TSPEAR: variants seen among roughly 807,000 people sequenced by gnomAD.
TSPEAR encodes the protein thrombospondin-type laminin G domain and EAR repeat-containing protein.
Under a neutral mutation model 71.6 loss-of-function variants are expected in TSPEAR, and 69 were observed. The ratio of observed to expected loss-of-function variants is 0.96; its 90% CI spans 0.79 to 1.18. The LOEUF (loss-of-function observed/expected upper bound fraction) is 1.18. TSPEAR is among the 50% of genes most tolerant of loss of function. TSPEAR has a pLI of 0.00. For missense variants in TSPEAR, 971 were observed against 894.9 expected (o/e 1.09, Z -1.09); for synonymous variants, 402 against 387.2 (o/e 1.04, Z -0.45).
chr21:44,577,596 C>T (rs1978546420), intron 1 of TSPEAR, among the ~76,000 whole-genome samples: 1 of 152,194 alleles, frequency 6.6e-6, no homozygotes, highest in Non-Finnish European at 1.5e-5. Context: ...CACCAAGCCA[C>T]TCATGAGGGA....
intron 2 of TSPEAR, among the ~76,000 whole-genome samples, chr21:44,567,139 A>C (rs782531578): frequency 1.2e-4 from 18 of 152,366 alleles, no homozygotes; most frequent in East Asian, 5.8e-4. Context: ...AAATACATAA[A>C]GAATTCTTTA....
At chr21:44,629,538 G>A (rs587607333) in intron 1 of TSPEAR, among the ~76,000 whole-genome samples, 7 of 152,282 alleles carry the variant, frequency 4.6e-5, no homozygotes, top group East Asian at 1.9e-4. Flanking sequence ...ATGTGAATTC[G>A]GGGGCATCAC....
rs371326823 is a variant in TSPEAR, at chr21:44,591,568, A to G, written c.83-23563T>C. The G allele has an allele frequency of 1.1e-5, 18 of 1,612,592 alleles. No individual in the cohort carries two copies. In the African/African-American group the frequency reaches 2.0e-4, roughly 18 times the overall value. ...GGACTTGCACACAGGGTGGCAGAGG[A>G]GGGACACGGAGGAGGAGGATCTGCA... On this transcript the variant is annotated intron_variant, in intron 1 of 11. Transcript: ENST00000323084.
chr21:44,607,815 G>GAC (rs1182874680), intron 1 of TSPEAR, among the ~76,000 whole-genome samples: 2 of 152,132 alleles, frequency 1.3e-5, no homozygotes, highest in Non-Finnish European at 2.9e-5. Flanking sequence ...TCATAAACAT[G>GAC]ACACACACAC....
chr21:44,642,564 C>T lies in TSPEAR; in HGVS notation c.82+68869G>A, dbSNP rs28491945. Among the ~76,000 whole-genome samples the T allele has an allele frequency of 1.1e-4, 16 of 152,108 alleles. No individual in the cohort carries two copies. Among genetic ancestry groups the T allele is most frequent in the African/African-American group, 1.4e-4 (6 of 41,398 alleles). On this transcript the variant is annotated intron_variant, in intron 1 of 11. Transcript: ENST00000323084. This position sits in a 1 kb window ranked among gnomAD's most constrained non-coding sequence, Gnocchi z 4.1. The stretch of plus-strand genomic sequence containing the variant: ...GTTCCTCAAAAAATTAAAAATGGGG[C>T]CGGGCGCAGTGGCTCATGCCTGTAA...
chr21:44,624,796 G>C (rs1370821512), intron 1 of TSPEAR, among the ~76,000 whole-genome samples: 1 of 152,198 alleles, frequency 6.6e-6, no homozygotes, highest in Non-Finnish European at 1.5e-5. Flanking sequence ...CATGGCTGTA[G>C]TCTGTGAATC....
intron 2 of TSPEAR, among the ~76,000 whole-genome samples, chr21:44,556,393 CA>C (rs1233736947): frequency 8.0e-5 from 12 of 149,998 alleles, no homozygotes; most frequent in Admixed American, 5.3e-4. Flanking sequence ...ATAACAACAA[CA>C]AAAAAAAAAA....
chr21:44,676,738 A>G (rs1986329768), intron 1 of TSPEAR: 1 of 789,922 alleles, frequency 1.3e-6, no homozygotes, highest in Non-Finnish European at 2.3e-6. Context: ...GACTTCCTCT[A>G]CGTTTCTGTC....
intron 1 of TSPEAR, among the ~76,000 whole-genome samples, chr21:44,667,970 T>G (rs972173498): frequency 6.6e-6 from 1 of 152,202 alleles, no homozygotes; most frequent in African/African-American, 2.4e-5. Flanking sequence ...TACCCACTGG[T>G]GAAAAACTGA....
At chr21:44,605,396 T>A (rs1981242085) in intron 1 of TSPEAR, among the ~76,000 whole-genome samples, 1 of 152,206 alleles carries the variant, frequency 6.6e-6, no homozygotes, top group East Asian at 1.9e-4. Flanking sequence ...ATCTACAGAT[T>A]CAATGCAATC....
rs1421388375 is a variant in TSPEAR at position 44,521,787 on chromosome 21, C to A, written c.1566+96G>T. The A allele has an allele frequency of 8.2e-6, 10 of 1,220,258 alleles. No individual in the cohort carries two copies. The African/African-American group carries it at 1.5e-4, about 18-fold the overall frequency. The allele number at this position is 1,220,258 out of a possible 1,614,324, so 75.6% of individuals were successfully genotyped here. On this transcript the variant is annotated intron_variant, in intron 9 of 11. Transcript: ENST00000323084. ...GCAGAGCAGCACTAGGTTTGGCTCT[C>A]GGTGGACCCCCAGCCCACATCACCT... is the stretch of plus-strand genomic sequence containing the variant.
At chr21:44,596,085 T>C (rs1403012540) in intron 1 of TSPEAR, among the ~76,000 whole-genome samples, 12 of 152,212 alleles carry the variant, frequency 7.9e-5, no homozygotes, top group East Asian at 1.9e-4. Context: ...GAAGGTTCAA[T>C]TGGAGAAGGA....
intron 1 of TSPEAR, chr21:44,575,426 C>A (rs1198853899): frequency 4.5e-6 from 1 of 222,950 alleles, no homozygotes; most frequent in African/African-American, 2.3e-5. Context: ...TGGTTTTCTC[C>A]TTTGTGCACA....
chr21:44,499,858 G>C lies in TSPEAR; in HGVS notation c.1935C>G (p.Thr645=), dbSNP rs1555910914. The C allele has an allele frequency of 6.2e-7, 1 of 1,603,198 alleles. No homozygotes were observed. The change falls in exon 12 of 12, where the codon ACC becomes ACG. Residue 645 remains threonine (T), a synonymous_variant. Coordinates refer to ENST00000323084, the MANE Select transcript of TSPEAR (RefSeq NM_144991.3). ...VGCRDWEAFS[T]TAGAYLIYSS... ...AGTAGATGAGGTAGGCACCAGCCGT[G>C]GTGCTGAAGGCCTCCCAGTCCCTGC...
chr21:44,697,804 T>C lies in TSPEAR; in HGVS notation c.82+13629A>G, dbSNP rs200747086. The C allele has an allele frequency of 2.6e-3, 4,149 of 1,613,228 alleles. 5 individuals carry two copies. The highest frequency in any genetic ancestry group is 3.3e-3 in the Non-Finnish European group (3,946 of 1,179,750). On this transcript the variant is annotated intron_variant, in intron 1 of 11. Coordinates refer to ENST00000323084, the MANE Select transcript of TSPEAR (RefSeq NM_144991.3). ...CCTCCGTGTCCCTCCTCTGCCGCCC[T>C]GTGTGCAGACCCGCCCGCCGCGTGC...
intron 1 of TSPEAR, chr21:44,591,413 A>C (rs782203808): frequency 1.2e-6 from 2 of 1,612,042 alleles, no homozygotes; most frequent in East Asian, 4.5e-5. Context: ...TGGCCAGAGC[A>C]GAGGCTGTAG....
chr21:44,500,019 GGACCCA>G (rs2051998787), intron 11 of TSPEAR, 83 bp from the exon 12 acceptor site: 1 of 1,417,486 alleles, frequency 7.1e-7, no homozygotes, highest in Admixed American at 2.6e-5. Flanking sequence ...GCGCTGTCAG[GGACCCA>G]GCAGCTCTGG....
At chr21:44,669,897 C>G (rs782061955) in intron 1 of TSPEAR, among the ~76,000 whole-genome samples, 11 of 152,180 alleles carry the variant, frequency 7.2e-5, no homozygotes, top group African/African-American at 2.7e-4. Context: ...ACAGGCCTGC[C>G]CATCTACTGG....
In TSPEAR at chr21:44,658,207, C is replaced by T. The variant is rs368106016; in HGVS notation, c.82+53226G>A. Reference sequence around the variant, plus strand: ...CCTCTTGCCAATCTTCGGGGTGCTGCCAGCCCCCCTGCACCACTGCCCTCT... The same window carrying T: ...CCTCTTGCCAATCTTCGGGGTGCTGTCAGCCCCCCTGCACCACTGCCCTCT... On this transcript the variant is annotated intron_variant, in intron 1 of 11. Transcript: ENST00000323084. 6 of 1,613,636 alleles carry T rather than the reference C, an allele frequency of 3.7e-6. No individual in the cohort carries two copies. The Admixed American group carries it at 6.7e-5, about 18-fold the overall frequency.
Sources: gnomAD v4.1 joint callset for allele counts (sites outside exome capture counted in the v4.1 genomes callset) on GRCh38, gnomAD v4.1.1 for gene constraint, Gnocchi (gnomAD v3.1) non-coding constraint, MANE v1.5 for transcripts, NCBI Gene and HGNC (gene_info 2026-07-23, HGNC 2026-07-21) for gene names.